The following EPC2 variants were observed in gnomAD, a reference collection of about 807,000 sequenced individuals.
EPC2 encodes the protein enhancer of polycomb homolog 2.
A neutral mutation model predicts 92.1 loss-of-function variants in EPC2; 14 were observed. That is an observed-to-expected ratio of 0.15 (90% CI 0.10 to 0.24). The LOEUF is 0.24. Ranked by LOEUF, EPC2 falls within the 10% of genes least tolerant of loss-of-function variation. EPC2 has a pLI of 1.00. For missense variants in EPC2, 755 were observed against 971.5 expected (o/e 0.78, Z 2.96); for synonymous variants, 340 against 334.7 (o/e 1.02, Z -0.17).
Position 148,770,715 on chromosome 2 carries a change from T to C in EPC2, c.1231-77T>C. 4 of 1,420,062 alleles carry C rather than the reference T, an allele frequency of 2.8e-6. No homozygotes were observed. The Admixed American group carries it at 1.2e-4, about 42-fold the overall frequency. The allele number at this position is 1,420,062 out of a possible 1,614,324, so 88.0% of individuals were successfully genotyped here. A position where few individuals can be genotyped will look rare whatever the true frequency, so the allele number is the denominator to read the frequency against. On this transcript the variant is annotated intron_variant, in intron 8 of 13. Transcript: ENST00000258484. Reference sequence around the variant, plus strand: ...CTGCTAATGTTGCAGTTACTTCATGTTTATCATGATCTAACCTGTCTTCAT... The same window carrying C: ...CTGCTAATGTTGCAGTTACTTCATGCTTATCATGATCTAACCTGTCTTCAT...
intron 1 of EPC2, among the ~76,000 whole-genome samples, chr2:148,662,143 C>T (rs1177669683): frequency 4.6e-5 from 7 of 151,964 alleles, no homozygotes; most frequent in African/African-American, 1.2e-4. Flanking sequence ...GTTAGAATGA[C>T]GATCATTAAA....
chr2:148,698,404 G>A lies in EPC2; in HGVS notation c.313+8031G>A, dbSNP rs560896523. ...TGTAATCCCAGCACTTTGGGAGGCT[G>A]AGGCGGGTGGATCACGAGGTCAGGA... On this transcript the variant is annotated intron_variant, in intron 2 of 13. Coordinates refer to ENST00000258484, the MANE Select transcript of EPC2 (RefSeq NM_015630.4). Among the ~76,000 whole-genome samples, 163 of 152,196 alleles carry A rather than the reference G, an allele frequency of 1.1e-3. 1 individual carries two copies. The highest frequency in any genetic ancestry group is 3.8e-3 in the African/African-American group (156 of 41,542).
chr2:148,676,830 C>A (rs1385715683), intron 1 of EPC2, among the ~76,000 whole-genome samples: 1 of 147,992 alleles, frequency 6.8e-6, no homozygotes, highest in Non-Finnish European at 1.5e-5. Context: ...TAAACAGTGC[C>A]ATGATGACCA....
intron 1 of EPC2, among the ~76,000 whole-genome samples, chr2:148,679,771 A>G (rs1317058586): frequency 6.6e-6 from 1 of 152,064 alleles, no homozygotes; most frequent in East Asian, 1.9e-4. Context: ...TCAGCCTCCA[A>G]AATAACTAGG....
chr2:148,748,265 C>T (rs555036294), intron 3 of EPC2, among the ~76,000 whole-genome samples: 1 of 152,208 alleles, frequency 6.6e-6, no homozygotes, highest in South Asian at 2.1e-4. Flanking sequence ...TTTCTTGAGG[C>T]CTCCCCAGCC....
intron 2 of EPC2, among the ~76,000 whole-genome samples, chr2:148,693,481 A>C (rs1229377749): frequency 1.3e-5 from 2 of 152,134 alleles, no homozygotes; most frequent in African/African-American, 2.4e-5. Flanking sequence ...GTGATGTATA[A>C]GGCACTCCTT....
intron 2 of EPC2, among the ~76,000 whole-genome samples, chr2:148,737,491 G>C (rs1682781261): frequency 6.6e-6 from 1 of 152,046 alleles, no homozygotes; most frequent in African/African-American, 2.4e-5. Context: ...GGCTGTAGTG[G>C]AAGATTCCAT....
intron 2 of EPC2, among the ~76,000 whole-genome samples, chr2:148,732,689 C>G (rs1332533636): frequency 6.6e-6 from 1 of 151,960 alleles, no homozygotes; most frequent in East Asian, 1.9e-4. Context: ...CCATTTTTGT[C>G]TATTTTTAAT....
chr2:148,677,840 G>A (rs1681302333), intron 1 of EPC2, among the ~76,000 whole-genome samples: 1 of 152,084 alleles, frequency 6.6e-6, no homozygotes, highest in Non-Finnish European at 1.5e-5. Flanking sequence ...CGGTGGGCTT[G>A]TGGTCTCGCT....
chr2:148,651,763 G>A (rs1314649265), intron 1 of EPC2, among the ~76,000 whole-genome samples: 1 of 152,200 alleles, frequency 6.6e-6, no homozygotes, highest in Non-Finnish European at 1.5e-5. Flanking sequence ...GAGTGTTTGA[G>A]CATGTGCCAG....
rs1242251574 is a variant in EPC2, at chr2:148,784,976, A to G, written c.2326A>G (p.Ser776Gly). The G allele has an allele frequency of 1.3e-6, 2 of 1,527,242 alleles. No homozygotes were observed. Among genetic ancestry groups the G allele is most frequent in the Non-Finnish European group, 8.8e-7 (1 of 1,136,054 alleles). 94.6% of individuals were successfully genotyped at this position (1,527,242 alleles called of 1,614,324 possible). The change falls in exon 13 of 14, where the codon AGC (serine) becomes GGC (glycine). Residue 776 changes from serine (S) to glycine (G), a missense_variant. Transcript: ENST00000258484. The part of the protein sequence containing the change: ...SMDRVPKVTP[S>G]SAISSIAREN... ...GGACAGAGTGCCAAAGGTTACTCCC[A>G]GCAGTGCCATCAGCAGCATAGCAAG...
At chr2:148,698,829 C>CTT (rs56852195) in intron 2 of EPC2, among the ~76,000 whole-genome samples, 93,818 of 140,904 alleles carry the variant, frequency 0.67, 33,430 homozygotes, top group Non-Finnish European at 0.82. Flanking sequence ...ATTTTCTTCC[C>CTT]TTTTTTTTTT....
chr2:148,785,337 C>T (rs1468334001), intron 13 of EPC2, among the ~76,000 whole-genome samples: 7 of 151,990 alleles, frequency 4.6e-5, no homozygotes, highest in African/African-American at 1.4e-4. Flanking sequence ...CACTGCCCGC[C>T]CCACCCCCGA....
intron 1 of EPC2, among the ~76,000 whole-genome samples, chr2:148,672,445 G>A (rs1389661550): frequency 1.3e-5 from 2 of 151,898 alleles, no homozygotes; most frequent in African/African-American, 2.4e-5. Context: ...TTTGTGCTTC[G>A]TTGATTTTGT....
intron 10 of EPC2, among the ~76,000 whole-genome samples, chr2:148,780,238 G>A (rs943526431): frequency 7.9e-5 from 12 of 152,034 alleles, no homozygotes; most frequent in Non-Finnish European, 1.6e-4. Flanking sequence ...TAAAAATAAA[G>A]TTGCTATCTA....
chr2:148,663,587 T>G (rs1407260402), intron 1 of EPC2, among the ~76,000 whole-genome samples: 1 of 140,826 alleles, frequency 7.1e-6, no homozygotes, highest in Non-Finnish European at 1.5e-5. Context: ...ACTATATAGA[T>G]TAAGATTTTT....
rs184869273 is a variant in EPC2 at position 148,699,747 on chromosome 2, G to T, written c.313+9374G>T. ...TGGCTGTGAGTTTTCAGCTCAATTG[G>T]GTATATACTTAGGAGTGCAATTGCT... On this transcript the variant is annotated intron_variant, in intron 2 of 13. Transcript: ENST00000258484. Among the ~76,000 whole-genome samples, 340 of 152,166 alleles carry T rather than the reference G, an allele frequency of 2.2e-3. 3 individuals carry two copies. The highest frequency in any genetic ancestry group is 6.8e-3 in the Middle Eastern group (2 of 294).
intron 1 of EPC2, among the ~76,000 whole-genome samples, chr2:148,662,419 A>G (rs528219187): frequency 2.3e-4 from 35 of 152,344 alleles, no homozygotes; most frequent in Admixed American, 5.9e-4. Context: ...AACCAACCCA[A>G]ACGTCCAACA....
At chr2:148,673,051 C>G (rs537906485) in intron 1 of EPC2, among the ~76,000 whole-genome samples, 1 of 152,272 alleles carries the variant, frequency 6.6e-6, no homozygotes, top group African/African-American at 2.4e-5. Context: ...GAGAAATGCA[C>G]TGATAAATCT....
Sources: allele counts gnomAD v4.1 joint callset (sites outside exome capture counted in the v4.1 genomes callset), GRCh38; gene constraint gnomAD v4.1.1; transcripts MANE v1.5; gene names NCBI Gene and HGNC (gene_info 2026-07-23, HGNC 2026-07-21).